Variants in ZNF567 observed in about 807,000 individuals in gnomAD.
The protein encoded by ZNF567 is zinc finger protein 567.
Under a neutral mutation model 53.9 loss-of-function variants are expected in ZNF567, and 36 were observed. That is an observed-to-expected ratio of 0.67 (90% CI 0.51 to 0.88). The LOEUF (loss-of-function observed/expected upper bound fraction) is 0.88, where lower values mean the gene tolerates loss of function less well. Ranked by LOEUF, ZNF567 falls within the 40% of genes least tolerant of loss-of-function variation. ZNF567 has a pLI of 0.00. For missense variants in ZNF567, 619 were observed against 764.7 expected, an observed-to-expected ratio of 0.81 and a Z score of 2.25; for synonymous variants, 224 against 260.4, an observed-to-expected ratio of 0.86 and a Z score of 1.35.
chr19:36,683,591 T>G (rs908641776), upstream of ZNF567, among the ~76,000 whole-genome samples: 3 of 152,146 alleles, frequency 2.0e-5, no homozygotes, highest in East Asian at 5.8e-4. Context: ...CCCAGCACTT[T>G]GGGAGGCCAA....
chr19:36,694,946 G>A, intron 3 of ZNF567, 70 bp downstream of exon 3: 1 of 1,457,778 alleles, frequency 6.9e-7, no homozygotes, highest in Non-Finnish European at 9.0e-7. Flanking sequence ...ATTTGGGCAT[G>A]TGTCGGTCTT....
At chr19:36,670,824 G>A in the ZNF567 span, among the ~76,000 whole-genome samples, 13 of 152,102 alleles carry the variant, frequency 8.5e-5, no homozygotes, top group Non-Finnish European at 1.6e-4. Context: ...GCACTGGGCC[G>A]GGCGTGGTGG....
chr19:36,724,248 C>T (rs980723528), downstream of ZNF567, among the ~76,000 whole-genome samples: 13 of 151,654 alleles, frequency 8.6e-5, no homozygotes, highest in Admixed American at 6.6e-4. Flanking sequence ...TCAGGTGATC[C>T]GCCCACCTCG....
At chr19:36,714,592 C>G in intron 5 of ZNF567, 1 of 392,456 alleles carries the variant, frequency 2.5e-6, no homozygotes. Context: ...GTTTTCTGTG[C>G]TAAGCTCCCC....
chr19:36,695,581 C>T (rs940319388), intron 3 of ZNF567, among the ~76,000 whole-genome samples: 1 of 151,824 alleles, frequency 6.6e-6, no homozygotes, highest in African/African-American at 2.4e-5. Context: ...CACCTGTGGT[C>T]CCAGTTATTT....
chr19:36,676,934 T>A, the ZNF567 span, among the ~76,000 whole-genome samples: 1 of 151,860 alleles, frequency 6.6e-6, no homozygotes, highest in Non-Finnish European at 1.5e-5. Flanking sequence ...GGTGGGCAGA[T>A]CACCTGAGGT....
the ZNF567 span, among the ~76,000 whole-genome samples, chr19:36,676,055 C>CTTTTTTTTTTTT: frequency 2.1e-3 from 128 of 60,622 alleles, 26 homozygotes; most frequent in Non-Finnish European, 2.5e-3. Context: ...TATTCTACAC[C>CTTTTTTTTTTTT]TTTTTTTTTT....
chr19:36,718,965 G>A lies in ZNF567; in HGVS notation c.241G>A (p.Glu81Lys). The change falls in exon 6 of 6, where the codon GAA (glutamate) becomes AAA (lysine). Residue 81 changes from glutamate (E) to lysine (K), a missense_variant. Physicochemically the swap from Glu to Lys is moderately conservative, Grantham distance 56. Coordinates refer to ENST00000682579, the MANE Select transcript of ZNF567 (RefSeq NM_001322917.1). ...HTCLEENWKAEDFLVKFKEHQ... is the reference protein window; with the variant it reads ...HTCLEENWKAKDFLVKFKEHQ... ...TTTTCTAGAAGAAAACTGGAAAGCTGAAGACTTTTTAGTGAAATTCAAGGA... is the reference window on the plus strand; with the variant it reads ...TTTTCTAGAAGAAAACTGGAAAGCTAAAGACTTTTTAGTGAAATTCAAGGA... The A allele has an allele frequency of 2.6e-6, 4 of 1,563,162 alleles. No homozygotes were observed. Among genetic ancestry groups the A allele is most frequent in the Non-Finnish European group, 3.4e-6 (4 of 1,162,360 alleles).
intron 5 of ZNF567, 25 bp downstream of exon 5, chr19:36,712,892 C>T (rs2039862613): frequency 6.4e-7 from 1 of 1,572,490 alleles, no homozygotes; most frequent in African/African-American, 1.4e-5. Flanking sequence ...CTTAGGCAGA[C>T]ACAGTCTAGC....
At position 36,718,999 on chromosome 19, in the gene ZNF567, A is replaced by G. The variant is rs1463686091; in HGVS notation, c.275A>G (p.Glu92Gly). Reference sequence around the variant, plus strand: ...TTAGTGAAATTCAAGGAACACCAAGAGAAGTATTCTAGATCAGTTGTAAGC... The same window carrying G: ...TTAGTGAAATTCAAGGAACACCAAGGGAAGTATTCTAGATCAGTTGTAAGC... Reference protein sequence around the residue: ...DFLVKFKEHQEKYSRSVVSIN... With the variant: ...DFLVKFKEHQGKYSRSVVSIN... Residue 92 changes from glutamate to glycine, a missense_variant, in exon 6 of 6, where the codon GAG (glutamate) becomes GGG (glycine). Physicochemically the swap from Glu to Gly is moderately conservative, Grantham distance 98 (BLOSUM62 -2). Transcript: ENST00000682579. 1.3e-6 allele frequency: 2 copies of G among 1,585,016 alleles called. No individual in the cohort carries two copies. Among genetic ancestry groups the G allele is most frequent in the Non-Finnish European group, 1.7e-6 (2 of 1,172,232 alleles).
chr19:36,719,591 A>T lies in ZNF567; in HGVS notation c.867A>T (p.Ala289=). Residue 289 remains alanine, a synonymous_variant, in exon 6 of 6, where the codon GCA becomes GCT. Transcript: ENST00000682579. Reference sequence around the variant, plus strand: ...ATCAATGTCATCAATGTGGAAATGCATTTAGAAGGAAATCATATCTCATTG... The same window carrying T: ...ATCAATGTCATCAATGTGGAAATGCTTTTAGAAGGAAATCATATCTCATTG... ...KPYQCHQCGN[A]FRRKSYLIDH... is the part of the protein sequence containing the mutation. 6.2e-7 allele frequency: 1 copy of T among 1,614,164 alleles called. No homozygotes were observed. Among genetic ancestry groups the T allele is most frequent in the South Asian group, 1.1e-5 (1 of 91,080 alleles).
At chr19:36,713,467 A>G (rs982518036) in intron 5 of ZNF567, among the ~76,000 whole-genome samples, 4 of 150,066 alleles carry the variant, frequency 2.7e-5, no homozygotes, top group Admixed American at 1.3e-4. Context: ...AAAAAAAGCC[A>G]GGAATGATGG....
intron 5 of ZNF567, among the ~76,000 whole-genome samples, chr19:36,715,509 A>AATTATTATT (rs747530916): frequency 2.0e-3 from 93 of 45,822 alleles, no homozygotes; most frequent in South Asian, 5.4e-3. Context: ...TAATAATAAT[A>AATTATTATT]ATTATTATTA....
chr19:36,719,870 A>G lies in ZNF567; in HGVS notation c.1146A>G (p.Leu382=), dbSNP rs752179212. The change falls in exon 6 of 6, where the codon CTA becomes CTG. Residue 382 remains leucine, a synonymous_variant. Transcript: ENST00000682579. ...TCCGCCAGAAGACAACACTCTCTCT[A>G]CATCAGAGAATCCATACAGGTGAGA... is the stretch of plus-strand genomic sequence containing the variant. The part of the protein sequence containing the change: ...KSFRQKTTLS[L]HQRIHTGEKP... 6.2e-7 allele frequency: 1 copy of G among 1,609,474 alleles called. No homozygotes were observed. Among genetic ancestry groups the G allele is most frequent in the Non-Finnish European group, 8.5e-7 (1 of 1,176,356 alleles).
the ZNF567 span, among the ~76,000 whole-genome samples, chr19:36,681,075 C>A: frequency 1.6e-4 from 25 of 152,162 alleles, no homozygotes; most frequent in African/African-American, 5.3e-4. Context: ...CAACAGAATA[C>A]ATTGTTATAT....
Position 36,719,367 on chromosome 19 carries a change from T to G in ZNF567, c.643T>G (p.Cys215Gly). The change falls in exon 6 of 6, where the codon TGT (cysteine) becomes GGT (glycine). Residue 215 changes from cysteine (C) to glycine (G), a missense_variant. By Grantham distance (159) the Cys-to-Gly change is radical. Transcript: ENST00000682579. ...AGCACAGTCATTTGGATATAATGAC[T>G]GTGAGAAATCATTCCTTCAAAGGGG... ...TPAQSFGYND[C>G]EKSFLQRGGL... 1 of 1,613,940 alleles carries G rather than the reference T, an allele frequency of 6.2e-7. No individual in the cohort carries two copies. Among genetic ancestry groups the G allele is most frequent in the Middle Eastern group, 1.6e-4 (1 of 6,062 alleles).
chr19:36,724,044 T>C (rs1429132194), downstream of ZNF567, among the ~76,000 whole-genome samples: 6 of 148,174 alleles, frequency 4.0e-5, no homozygotes, highest in South Asian at 6.5e-4. Context: ...TTCACTCTTA[T>C]TGCCCAGGCT....
intron 3 of ZNF567, among the ~76,000 whole-genome samples, chr19:36,702,651 C>T (rs1431387831): frequency 1.3e-5 from 2 of 152,012 alleles, no homozygotes; most frequent in African/African-American, 4.8e-5. Context: ...TCTAAACTTC[C>T]CTTCTTGCTT....
upstream of ZNF567, among the ~76,000 whole-genome samples, chr19:36,685,118 T>C (rs986163491): frequency 4.6e-5 from 7 of 152,150 alleles, no homozygotes; most frequent in African/African-American, 1.4e-4. Flanking sequence ...CGAAACCCCA[T>C]GTCTACTAAA....
Sources: gnomAD v4.1 joint callset for allele counts (sites outside exome capture counted in the v4.1 genomes callset) on GRCh38, gnomAD v4.1.1 for gene constraint, MANE v1.5 for transcripts, NCBI Gene and HGNC (gene_info 2026-07-23, HGNC 2026-07-21) for gene names.